The following ADCY2 variants were observed in gnomAD, a reference collection of about 807,000 sequenced individuals.
The protein encoded by ADCY2 is adenylate cyclase 2, also known as adenylate cyclase type 2.
A neutral mutation model predicts 125.2 loss-of-function variants in ADCY2; 31 were observed. The observed-to-expected ratio is 0.25, with a 90% confidence interval of 0.19 to 0.33. The LOEUF (loss-of-function observed/expected upper bound fraction) is 0.33, where lower values mean the gene tolerates loss of function less well. ADCY2 is among the 10% of genes least tolerant of loss of function. The pLI is 1.00. For synonymous variants in ADCY2, 512 were observed against 548.4 expected (o/e 0.93, Z 0.93); for missense variants, 904 against 1,418.2 (o/e 0.64, Z 5.82).
chr5:7,694,484 T>C (rs1579324119), intron 5 of ADCY2, among the ~76,000 whole-genome samples: 1 of 152,354 alleles, frequency 6.6e-6, no homozygotes, highest in Admixed American at 6.5e-5. Flanking sequence ...TTCTAGTTTC[T>C]GTCCCTATGG....
chr5:7,773,833 C>G (rs1447325281), intron 18 of ADCY2, among the ~76,000 whole-genome samples: 2 of 152,144 alleles, frequency 1.3e-5, no homozygotes, highest in African/African-American at 4.8e-5. Context: ...TTCCTGTTAC[C>G]AAATTACTTC....
chr5:7,596,728 C>T (rs113853999), intron 3 of ADCY2, among the ~76,000 whole-genome samples: 2,897 of 152,282 alleles, frequency 0.019, 92 homozygotes, highest in African/African-American at 0.066. Flanking sequence ...ATCTACCCCA[C>T]CTGTGTTGTT....
intron 3 of ADCY2, among the ~76,000 whole-genome samples, chr5:7,609,259 A>G (rs760820559): frequency 1.6e-4 from 24 of 152,204 alleles, no homozygotes; most frequent in Non-Finnish European, 2.6e-4. Context: ...AGCAACTACA[A>G]AGTTTTCTCA....
At chr5:7,523,685 G>A (rs1162611246) in intron 3 of ADCY2, among the ~76,000 whole-genome samples, 2 of 152,152 alleles carry the variant, frequency 1.3e-5, no homozygotes, top group East Asian at 1.9e-4. Flanking sequence ...AAATACCACT[G>A]GTTTGAGGTT....
intron 3 of ADCY2, among the ~76,000 whole-genome samples, chr5:7,539,497 A>G (rs957643642): frequency 6.6e-6 from 1 of 152,240 alleles, no homozygotes. Context: ...ATAATTAGCC[A>G]TAGTCAAGTC....
rs758592010 is a variant in ADCY2 at position 7,706,774 on chromosome 5, C to T, written c.1140C>T (p.Ile380=). Residue 380 remains isoleucine, a synonymous_variant, in exon 8 of 25, where the codon ATC becomes ATT. Coordinates refer to ENST00000338316, the MANE Select transcript of ADCY2 (RefSeq NM_020546.3). ...KKVRDATGVD[I]NMRVGVHSGN... ...TGAGGGATGCTACTGGAGTTGATAT[C>T]AACATGCGCGTGGGCGTGCATTCTG... 61 of 1,614,112 alleles carry T rather than the reference C, an allele frequency of 3.8e-5. No individual in the cohort carries two copies. The Admixed American group carries it at 1.0e-3, about 27-fold the overall frequency.
At chr5:7,458,093 G>A (rs1462589371) in intron 2 of ADCY2, among the ~76,000 whole-genome samples, 1 of 152,158 alleles carries the variant, frequency 6.6e-6, no homozygotes, top group East Asian at 1.9e-4. Flanking sequence ...GGATACTGGG[G>A]GAATGGTGGT....
intron 15 of ADCY2, among the ~76,000 whole-genome samples, chr5:7,757,234 T>C (rs1369681726): frequency 6.6e-6 from 1 of 152,208 alleles, no homozygotes; most frequent in African/African-American, 2.4e-5. Flanking sequence ...ACCTTTGTCA[T>C]AGGCATTTAA....
chr5:7,682,990 T>A (rs148191797), intron 4 of ADCY2, among the ~76,000 whole-genome samples: 176 of 152,316 alleles, frequency 1.2e-3, no homozygotes, highest in African/African-American at 4.1e-3. Flanking sequence ...TACAAAGTTG[T>A]CCCTGTACTC....
intron 2 of ADCY2, among the ~76,000 whole-genome samples, chr5:7,465,014 C>A (rs965536626): frequency 2.0e-5 from 3 of 152,188 alleles, no homozygotes; most frequent in Middle Eastern, 3.4e-3. Context: ...AGAATGAGCG[C>A]CAAGTGAAAG....
intron 4 of ADCY2, among the ~76,000 whole-genome samples, chr5:7,639,629 G>A (rs1738625409): frequency 1.3e-5 from 2 of 152,126 alleles, no homozygotes; most frequent in African/African-American, 4.8e-5. Context: ...TAAATTGTAT[G>A]CAGGTTAAAT....
At chr5:7,768,778 G>C (rs1743471063) in intron 17 of ADCY2, among the ~76,000 whole-genome samples, 1 of 152,156 alleles carries the variant, frequency 6.6e-6, no homozygotes, top group Non-Finnish European at 1.5e-5. Flanking sequence ...ATCTAGGTGG[G>C]ATTTAGTAAA....
chr5:7,749,493 G>A (rs936222064), intron 15 of ADCY2, among the ~76,000 whole-genome samples: 1 of 152,012 alleles, frequency 6.6e-6, no homozygotes, highest in Non-Finnish European at 1.5e-5. Flanking sequence ...ATTACAATTA[G>A]CAATTAAAAA....
chr5:7,396,237 C>T lies in ADCY2; in HGVS notation c.-60C>T. On this transcript the variant is annotated 5_prime_UTR_variant, in exon 1 of 25. Transcript: ENST00000338316. This position sits in a 1 kb window ranked among gnomAD's most constrained non-coding sequence, Gnocchi z 5.7. The stretch of plus-strand genomic sequence containing the variant: ...GGCGCGGGGGTGGGACGCGGGCGGC[C>T]GCGGCGAGCGGCGCTGCCCGGGCCG... The T allele has an allele frequency of 1.1e-6, 1 of 931,848 alleles. No homozygotes were observed. Among genetic ancestry groups the T allele is most frequent in the Non-Finnish European group, 1.3e-6 (1 of 785,580 alleles). 57.7% of individuals were successfully genotyped at this position (931,848 alleles called of 1,614,324 possible).
chr5:7,668,138 G>T (rs1198276163), intron 4 of ADCY2, among the ~76,000 whole-genome samples: 1 of 152,182 alleles, frequency 6.6e-6, no homozygotes, highest in African/African-American at 2.4e-5. Context: ...TGTCAATTTG[G>T]GTAGGCCATG....
intron 3 of ADCY2, among the ~76,000 whole-genome samples, chr5:7,598,479 A>T (rs1211332614): frequency 2.0e-5 from 3 of 152,184 alleles, no homozygotes; most frequent in Non-Finnish European, 2.9e-5. Flanking sequence ...ATTGCAATGC[A>T]CATTTTTGTA....
chr5:7,784,472 T>C, intron 19 of ADCY2, 23 bp downstream of exon 19: 1 of 1,531,992 alleles, frequency 6.5e-7, no homozygotes, highest in Non-Finnish European at 9.0e-7. Context: ...TTTATATATA[T>C]GTATGTATAC....
At chr5:7,723,458 G>A (rs1741828325) in intron 12 of ADCY2, among the ~76,000 whole-genome samples, 1 of 152,058 alleles carries the variant, frequency 6.6e-6, no homozygotes, top group South Asian at 2.1e-4. Flanking sequence ...CAAATTACTT[G>A]CTGAAAACAG....
intron 4 of ADCY2, among the ~76,000 whole-genome samples, chr5:7,673,269 A>AAAAAATAT (rs1554030659): frequency 2.5e-4 from 1 of 3,930 alleles, no homozygotes. Context: ...AAAAAAAAAA[A>AAAAAATAT]ATATATATAT....
Sources: gnomAD v4.1 joint callset for allele counts (sites outside exome capture counted in the v4.1 genomes callset) on GRCh38, gnomAD v4.1.1 for gene constraint, Gnocchi (gnomAD v3.1) non-coding constraint, MANE v1.5 for transcripts, NCBI Gene and HGNC (gene_info 2026-07-23, HGNC 2026-07-21) for gene names.